The following PCNX2 variants were observed in gnomAD, a reference collection of about 807,000 sequenced individuals.
PCNX2 encodes pecanex 2, also known as pecanex-like protein 2.
A neutral mutation model predicts 223.8 loss-of-function variants in PCNX2; 168 were observed. The ratio of observed to expected loss-of-function variants is 0.75; its 90% CI spans 0.66 to 0.85. The LOEUF (loss-of-function observed/expected upper bound fraction) is 0.85, where lower values mean the gene tolerates loss of function less well. PCNX2 is among the 40% of genes least tolerant of loss of function. The pLI is 0.00. For missense variants in PCNX2, 2,507 were observed against 2,675.5 expected (o/e 0.94, Z 1.39); for synonymous variants, 1,006 against 1,052.6 (o/e 0.96, Z 0.86).
intron 23 of PCNX2, among the ~76,000 whole-genome samples, chr1:233,081,115 G>A (rs1427321710): frequency 5.3e-5 from 8 of 152,146 alleles, no homozygotes; most frequent in African/African-American, 1.2e-4. Context: ...TTTGGAGGCC[G>A]AGGCGGGTGG....
chr1:233,014,219 A>C (rs553131781), intron 28 of PCNX2, among the ~76,000 whole-genome samples: 1 of 152,202 alleles, frequency 6.6e-6, no homozygotes, highest in Non-Finnish European at 1.5e-5. Flanking sequence ...CATCCAATTC[A>C]TCAAAGCTCC....
At position 233,000,550 on chromosome 1, in the gene PCNX2, T is replaced by A; in HGVS notation, c.5098-15A>T. On this transcript the variant is annotated splice_polypyrimidine_tract_variant and intron_variant, in intron 29 of 33. Transcript: ENST00000258229. The surrounding 1 kb of genome is among the most constrained non-coding windows in gnomAD (Gnocchi z 4.6). ...GTGAACTGGTCCTGGTGGGAAGAAG[T>A]GTGGGTGTGGGCTGGGCAAGGACCA... is the stretch of plus-strand genomic sequence containing the variant. The A allele has an allele frequency of 6.4e-7, 1 of 1,562,316 alleles. No individual in the cohort carries two copies. Among genetic ancestry groups the A allele is most frequent in the Non-Finnish European group, 8.6e-7 (1 of 1,158,968 alleles).
chr1:232,999,484 G>A (rs1242733212), intron 30 of PCNX2, 105 bp from the exon 31 acceptor site: 22 of 1,290,726 alleles, frequency 1.7e-5, no homozygotes, highest in Admixed American at 1.2e-4. Context: ...ATAGAGTTTC[G>A]CTCTTGTTGC....
intron 25 of PCNX2, among the ~76,000 whole-genome samples, chr1:233,037,966 G>A (rs1056926712): frequency 9.9e-5 from 15 of 152,186 alleles, no homozygotes; most frequent in African/African-American, 3.1e-4. Flanking sequence ...ATGCTTCAGA[G>A]TATCTCATTT....
intron 23 of PCNX2, among the ~76,000 whole-genome samples, chr1:233,070,453 CA>C (rs1285918061): frequency 6.6e-6 from 1 of 151,468 alleles, no homozygotes; most frequent in East Asian, 1.9e-4. Flanking sequence ...AATATAAATC[CA>C]AAAATCCTTA....
intron 21 of PCNX2, among the ~76,000 whole-genome samples, chr1:233,115,668 CATAG>C (rs1461929279): frequency 1.3e-5 from 2 of 152,086 alleles, no homozygotes; most frequent in Non-Finnish European, 2.9e-5. Flanking sequence ...TCATATATAA[CATAG>C]ATGTTGGAAT....
rs755868384 is a variant in PCNX2, at chr1:233,144,144, G to GGACAA, written c.3518-4290_3518-4289insTTGTC. ...TGTAATAAGCCGTGATTACACCACTGCACCCCAGCCTGGACAACAGAGCGT... is the reference window on the plus strand; with the variant it reads ...TGTAATAAGCCGTGATTACACCACTGGACAACACCCCAGCCTGGACAACAGAGCGT... On this transcript the variant is annotated intron_variant, in intron 19 of 33. Coordinates refer to ENST00000258229, the MANE Select transcript of PCNX2 (RefSeq NM_014801.4). Among the ~76,000 whole-genome samples, 421 of 152,056 alleles carry GGACAA rather than the reference G, an allele frequency of 2.8e-3. 4 individuals are homozygous for GGACAA. The East Asian group carries it at 0.028, about 10-fold the overall frequency.
chr1:233,243,117 G>A (rs1039961090), intron 8 of PCNX2, among the ~76,000 whole-genome samples: 1 of 152,198 alleles, frequency 6.6e-6, no homozygotes, highest in Non-Finnish European at 1.5e-5. Context: ...GTGGGGCCAA[G>A]GAGAGAAATT....
chr1:232,985,949 C>G (rs1349859676), intron 33 of PCNX2, 143 bp downstream of exon 33: 1 of 911,060 alleles, frequency 1.1e-6, no homozygotes, highest in African/African-American at 1.6e-5. Context: ...AATCACTGTC[C>G]TTTGTCACTC....
At chr1:233,318,568 T>C in the PCNX2 span, among the ~76,000 whole-genome samples, 35 of 140,366 alleles carry the variant, frequency 2.5e-4, no homozygotes, top group Non-Finnish European at 3.8e-4. Flanking sequence ...TTTTTCTTTT[T>C]TTTTTTTTTT....
At chr1:233,158,742 A>T (rs1678280933) in intron 19 of PCNX2, among the ~76,000 whole-genome samples, 1 of 152,224 alleles carries the variant, frequency 6.6e-6, no homozygotes, top group Non-Finnish European at 1.5e-5. Context: ...TCATCAACTA[A>T]CTTAACAATA....
intron 25 of PCNX2, among the ~76,000 whole-genome samples, chr1:233,042,642 C>T (rs369637672): frequency 6.6e-4 from 100 of 152,208 alleles, no homozygotes; most frequent in Middle Eastern, 3.4e-3. Flanking sequence ...CTTTTTTATC[C>T]CATGAACTGA....
chr1:233,077,765 T>C (rs889880353), intron 23 of PCNX2, among the ~76,000 whole-genome samples: 2 of 152,140 alleles, frequency 1.3e-5, no homozygotes, highest in African/African-American at 4.8e-5. Flanking sequence ...TACTGGGTAA[T>C]TTTTTTCTAA....
intron 9 of PCNX2, chr1:233,231,543 T>C (rs1658062431): frequency 2.6e-6 from 2 of 754,818 alleles, no homozygotes; most frequent in Admixed American, 6.3e-5. Flanking sequence ...TTTTAAATTA[T>C]TGGCCTGTTT....
At chr1:233,273,687 A>G (rs1242408715) in intron 1 of PCNX2, among the ~76,000 whole-genome samples, 2 of 151,786 alleles carry the variant, frequency 1.3e-5, no homozygotes, top group African/African-American at 2.4e-5. Context: ...GCAGTGGCAC[A>G]ATCTCGGCTC....
chr1:233,201,286 T>TA (rs1396898414), intron 13 of PCNX2, among the ~76,000 whole-genome samples: 1 of 152,118 alleles, frequency 6.6e-6, no homozygotes, highest in Non-Finnish European at 1.5e-5. Context: ...TTTGTTGTGA[T>TA]AATTTTTGTG....
At chr1:233,177,929 A>G (rs78082989) in intron 16 of PCNX2, 31 bp from the exon 17 acceptor site, 2 of 1,564,068 alleles carry the variant, frequency 1.3e-6, no homozygotes, top group African/African-American at 1.4e-5. Flanking sequence ...TACTTCATCA[A>G]AGATGTTCCT....
intron 21 of PCNX2, chr1:233,134,753 GAGA>G: frequency 1.9e-6 from 1 of 535,326 alleles, no homozygotes; most frequent in Non-Finnish European, 3.3e-6. Flanking sequence ...ATTGTTAACA[GAGA>G]AGAAGGTAAT....
chr1:233,203,104 T>G (rs887068904), intron 13 of PCNX2, among the ~76,000 whole-genome samples: 1 of 152,254 alleles, frequency 6.6e-6, no homozygotes, highest in Non-Finnish European at 1.5e-5. Flanking sequence ...GAAGCTATTG[T>G]GTGTACTAGC....
Sources: allele counts gnomAD v4.1 joint callset (sites outside exome capture counted in the v4.1 genomes callset), GRCh38; gene constraint gnomAD v4.1.1; non-coding constraint Gnocchi (gnomAD v3.1); transcripts MANE v1.5; gene names NCBI Gene and HGNC (gene_info 2026-07-23, HGNC 2026-07-21).